SEMA5A: variants seen among roughly 807,000 people sequenced by gnomAD.
SEMA5A encodes semaphorin 5A.
Under a neutral mutation model 135.5 loss-of-function variants are expected in SEMA5A, and 55 were observed. The ratio of observed to expected loss-of-function variants is 0.41; its 90% confidence interval spans 0.33 to 0.51. The LOEUF is 0.51. Ranked by LOEUF, SEMA5A falls within the 20% of genes least tolerant of loss-of-function variation. The pLI, the probability that SEMA5A is intolerant of heterozygous loss-of-function variation, is 0.37. For synonymous variants in SEMA5A, 580 were observed against 546.5 expected (o/e 1.06, Z -0.85); for missense variants, 1,290 against 1,419.9 (o/e 0.91, Z 1.47).
chr5:9,387,726 CTTAAG>C (rs1304870961), intron 2 of SEMA5A, among the ~76,000 whole-genome samples: 7 of 152,154 alleles, frequency 4.6e-5, no homozygotes, highest in Admixed American at 6.5e-5. Flanking sequence ...AAACAATAAA[CTTAAG>C]TTAATGCAAT....
chr5:9,454,423 C>G (rs1758756996), intron 1 of SEMA5A, among the ~76,000 whole-genome samples: 1 of 152,132 alleles, frequency 6.6e-6, no homozygotes, highest in African/African-American at 2.4e-5. Flanking sequence ...CTTCAAATAC[C>G]AACAGTCACA....
intron 11 of SEMA5A, among the ~76,000 whole-genome samples, chr5:9,158,742 T>C (rs1345262066): frequency 6.6e-6 from 1 of 152,194 alleles, no homozygotes; most frequent in Non-Finnish European, 1.5e-5. Context: ...TAGAAAACTA[T>C]AGATACTCAT....
At chr5:9,074,553 G>A (rs1329386810) in intron 16 of SEMA5A, among the ~76,000 whole-genome samples, 2 of 152,122 alleles carry the variant, frequency 1.3e-5, no homozygotes, top group East Asian at 1.9e-4. Flanking sequence ...AATTAATGAT[G>A]AGCTATATAG....
intron 16 of SEMA5A, among the ~76,000 whole-genome samples, chr5:9,096,889 G>A (rs1346492163): frequency 1.3e-5 from 2 of 152,014 alleles, no homozygotes; most frequent in African/African-American, 2.4e-5. Context: ...AAACCACTAT[G>A]AGATGTCACC....
chr5:9,253,794 C>G (rs1473187427), intron 5 of SEMA5A, among the ~76,000 whole-genome samples: 2 of 152,172 alleles, frequency 1.3e-5, no homozygotes, highest in Non-Finnish European at 2.9e-5. Context: ...CCTGTGCCAT[C>G]TACACCAGCC....
At chr5:9,088,880 C>A (rs1353134496) in intron 16 of SEMA5A, among the ~76,000 whole-genome samples, 13 of 152,050 alleles carry the variant, frequency 8.5e-5, no homozygotes, top group Admixed American at 7.9e-4. Flanking sequence ...ACTGTGTTAA[C>A]CCCTCCCACT....
At chr5:9,179,684 A>G (rs1744395667) in intron 11 of SEMA5A, among the ~76,000 whole-genome samples, 1 of 152,210 alleles carries the variant, frequency 6.6e-6, no homozygotes, top group Admixed American at 6.5e-5. Flanking sequence ...GGCATATACT[A>G]AATTATATTC....
At chr5:9,256,663 G>C (rs1749086941) in intron 5 of SEMA5A, among the ~76,000 whole-genome samples, 1 of 152,200 alleles carries the variant, frequency 6.6e-6, no homozygotes, top group Admixed American at 6.5e-5. Context: ...CACTGTAAGA[G>C]AAGTCCTTCC....
rs1410695532 is a variant in SEMA5A at position 9,061,967 on chromosome 5, G to GA, written c.2518+919dup. Among the ~76,000 whole-genome samples, 6 of 152,094 alleles carry GA rather than the reference G, an allele frequency of 3.9e-5. No individual in the cohort carries two copies. In the East Asian group the frequency reaches 7.7e-4, roughly 20 times the overall value. On this transcript the variant is annotated intron_variant, in intron 18 of 22. Transcript: ENST00000382496. ...GATGGTACATGGAGGCCATGTGGGG[G>GA]AGGGCTGGGTCCATCAGTGGCCCAG...
rs1365053337 is a variant in SEMA5A at position 9,204,137 on chromosome 5, G to T, written c.647-1897C>A. 6.6e-6 allele frequency among the ~76,000 whole-genome samples: 1 copy of T among 152,134 alleles called. No homozygotes were observed. The highest frequency in any genetic ancestry group is 1.5e-5 in the Non-Finnish European group (1 of 68,024). ...CTAAATAAGAGTCTAAATTATTTTG[G>T]AATGGGTCCTGCACCCTGGCTAAAC... On this transcript the variant is annotated intron_variant, in intron 8 of 22. Transcript: ENST00000382496. This position sits in a 1 kb window ranked among gnomAD's most constrained non-coding sequence, Gnocchi z 6.4.
chr5:9,422,489 C>T (rs975931090), intron 2 of SEMA5A: 10 of 152,082 alleles, frequency 6.6e-5, no homozygotes, highest in African/African-American at 2.2e-4. Flanking sequence ...AAGAAAGAAC[C>T]GACTGTCTTT....
intron 5 of SEMA5A, among the ~76,000 whole-genome samples, chr5:9,281,143 GA>G (rs1750521290): frequency 6.6e-6 from 1 of 152,116 alleles, no homozygotes; most frequent in African/African-American, 2.4e-5. Flanking sequence ...TGGTAGGATG[GA>G]AAATACACAA....
At chr5:9,220,557 C>A (rs1238683716) in intron 8 of SEMA5A, among the ~76,000 whole-genome samples, 1 of 151,716 alleles carries the variant, frequency 6.6e-6, no homozygotes, top group Non-Finnish European at 1.5e-5. Flanking sequence ...AAAAAAACAA[C>A]AAAAAAAATT....
chr5:9,207,130 A>ATATATATATATT (rs1746075301), intron 8 of SEMA5A, among the ~76,000 whole-genome samples: 1 of 128,502 alleles, frequency 7.8e-6, no homozygotes, highest in East Asian at 2.3e-4. Context: ...ATATATATAT[A>ATATATATATATT]TATAAAGCTT....
chr5:9,278,746 G>C (rs1300043299), intron 5 of SEMA5A, among the ~76,000 whole-genome samples: 2 of 152,230 alleles, frequency 1.3e-5, no homozygotes, highest in Admixed American at 1.3e-4. Context: ...TCAGGCTGAG[G>C]CTTCAGAGGG....
intron 3 of SEMA5A, among the ~76,000 whole-genome samples, chr5:9,345,786 T>C (rs1437976050): frequency 6.6e-6 from 1 of 152,206 alleles, no homozygotes; most frequent in Non-Finnish European, 1.5e-5. Context: ...TATCTAGATA[T>C]ATTGTATATA....
At chr5:9,188,471 T>C (rs896632191) in intron 11 of SEMA5A, among the ~76,000 whole-genome samples, 2 of 151,792 alleles carry the variant, frequency 1.3e-5, no homozygotes, top group Non-Finnish European at 2.9e-5. Flanking sequence ...ACGTGGGGAG[T>C]ACGTCCAAAG....
chr5:9,083,348 T>A (rs931058236), intron 16 of SEMA5A, among the ~76,000 whole-genome samples: 16 of 152,306 alleles, frequency 1.1e-4, no homozygotes, highest in African/African-American at 3.4e-4. Flanking sequence ...AAATTAATTA[T>A]GTTCCTCTTA....
At chr5:9,524,665 G>A (rs1488793480) in intron 1 of SEMA5A, among the ~76,000 whole-genome samples, 1 of 152,134 alleles carries the variant, frequency 6.6e-6, no homozygotes, top group Non-Finnish European at 1.5e-5. Flanking sequence ...GCCCTAAGAA[G>A]CAAATACAGA....
Sources: gnomAD v4.1 joint callset for allele counts (sites outside exome capture counted in the v4.1 genomes callset) on GRCh38, gnomAD v4.1.1 for gene constraint, Gnocchi (gnomAD v3.1) non-coding constraint, MANE v1.5 for transcripts, NCBI Gene and HGNC (gene_info 2026-07-23, HGNC 2026-07-21) for gene names.